Variants in NEK6 observed in about 807,000 individuals in gnomAD.
NEK6 encodes the protein NIMA related kinase 6, also known as serine/threonine-protein kinase Nek6.
A neutral mutation model predicts 43.5 loss-of-function variants in NEK6; 27 were observed. The observed-to-expected ratio is 0.62, with a 90% CI of 0.46 to 0.86. The LOEUF is 0.86. Ranked by LOEUF, NEK6 falls within the 40% of genes least tolerant of loss-of-function variation. The probability of loss-of-function intolerance (pLI) is 0.00; values close to 1 mark genes in which losing one functional copy is unlikely to be tolerated. For missense variants in NEK6, 318 were observed against 414.4 expected (o/e 0.77, Z 2.02); for synonymous variants, 167 against 164.1 (o/e 1.02, Z -0.14).
intron 9 of NEK6, among the ~76,000 whole-genome samples, chr9:124,350,314 C>T (rs1830185773): frequency 2.0e-5 from 3 of 152,038 alleles, no homozygotes; most frequent in Admixed American, 6.6e-5. Context: ...GGCGCCCCTC[C>T]CCCACCTCGG....
At chr9:124,297,608 G>A (rs929148417) in intron 1 of NEK6, among the ~76,000 whole-genome samples, 1 of 152,202 alleles carries the variant, frequency 6.6e-6, no homozygotes, top group Non-Finnish European at 1.5e-5. Flanking sequence ...CAAATGTAGG[G>A]CCCTTGCTTG....
intron 1 of NEK6, among the ~76,000 whole-genome samples, chr9:124,278,772 G>A (rs888735336): frequency 9.2e-5 from 14 of 152,178 alleles, no homozygotes; most frequent in Non-Finnish European, 1.6e-4. Context: ...GAGGCTGAGG[G>A]TCTTGGCTAA....
At chr9:124,342,028 G>A (rs748412805) in intron 8 of NEK6, among the ~76,000 whole-genome samples, 28 of 152,304 alleles carry the variant, frequency 1.8e-4, no homozygotes, top group Admixed American at 7.2e-4. Context: ...GGAGTCGTGA[G>A]TTCCAGTCTC....
rs1016714411 is a variant in NEK6, at chr9:124,331,181, G to A, written c.622+3736G>A. On this transcript the variant is annotated intron_variant, in intron 7 of 9. Transcript: ENST00000320246. ...CTTGGGAGGCTGAGGCAGGAGAATT[G>A]CTTGAACCCGGCAGGTGAAGGTTGC... Among the ~76,000 whole-genome samples, 3 of 146,992 alleles carry A rather than the reference G, an allele frequency of 2.0e-5. No individual in the cohort carries two copies. In the Admixed American group the frequency reaches 2.1e-4, roughly 10 times the overall value.
rs748613075 is a variant in NEK6, at chr9:124,339,659, G to T, written c.711G>T (p.Leu237=). ...ACATCTGGTCCCTGGGCTGTCTGCT[G>T]TACGAGGTGAGTCTCTGTCCGTGGC... ...KSDIWSLGCL[L]YEMAALQSPF... The change falls in exon 8 of 10, where the codon CTG becomes CTT. Residue 237 remains leucine, a synonymous_variant. Coordinates refer to ENST00000320246, the MANE Select transcript of NEK6 (RefSeq NM_014397.6). The T allele has an allele frequency of 6.2e-7, 1 of 1,612,072 alleles. No homozygotes were observed. Among genetic ancestry groups the T allele is most frequent in the South Asian group, 1.1e-5 (1 of 91,020 alleles).
rs190281527 is a variant in NEK6 at position 124,294,928 on chromosome 9, G to T, written c.-29-7008G>T. ...GGCCAGCACAGAGTGGAGGCCCTGG[G>T]GTGAGTGAAGACATTTGGAGGAAGA... On this transcript the variant is annotated intron_variant, in intron 1 of 9. Coordinates refer to ENST00000320246, the MANE Select transcript of NEK6 (RefSeq NM_014397.6). 2.8e-3 allele frequency among the ~76,000 whole-genome samples: 425 copies of T among 152,278 alleles called. 5 individuals are homozygous for T. Among genetic ancestry groups the T allele is most frequent in the African/African-American group, 9.8e-3 (406 of 41,560 alleles).
chr9:124,277,679 C>T (rs1255041340), intron 1 of NEK6, among the ~76,000 whole-genome samples: 2 of 152,206 alleles, frequency 1.3e-5, no homozygotes, highest in South Asian at 2.1e-4. Flanking sequence ...TCCCTAAATT[C>T]CTATTTCTGC....
chr9:124,300,442 G>A (rs1015146713), intron 1 of NEK6, among the ~76,000 whole-genome samples: 10 of 152,098 alleles, frequency 6.6e-5, no homozygotes, highest in South Asian at 4.1e-4. Flanking sequence ...CCAGCAGACC[G>A]GGGGAAGACT....
chr9:124,298,152 C>T (rs944340), intron 1 of NEK6, among the ~76,000 whole-genome samples: 59,802 of 151,974 alleles, frequency 0.39, 12,350 homozygotes, highest in East Asian at 0.64. Flanking sequence ...CCAATAGCCC[C>T]GAGGGTGAAT....
chr9:124,260,023 G>A (rs577697768), intron 1 of NEK6, among the ~76,000 whole-genome samples: 3 of 152,250 alleles, frequency 2.0e-5, no homozygotes, highest in South Asian at 4.2e-4. Context: ...GCCGTTCTAG[G>A]GGGTGTGAAT....
chr9:124,350,686 C>T lies in NEK6; in HGVS notation c.832-151C>T, dbSNP rs1830219858. On this transcript the variant is annotated intron_variant, in intron 9 of 9. Transcript: ENST00000320246. ...TGCGGCTGCGCACCCCTTACTTGCC[C>T]CAGCTAAACACCGTTCTTCAGCTCT... 3 of 682,188 alleles carry T rather than the reference C, an allele frequency of 4.4e-6. No homozygotes were observed. In the South Asian group the frequency reaches 4.5e-5, roughly 10 times the overall value. The allele number at this position is 682,188 out of a possible 1,614,324, so 42.3% of individuals were successfully genotyped here. A position where few individuals can be genotyped will look rare whatever the true frequency, so the allele number is the denominator to read the frequency against.
intron 9 of NEK6, among the ~76,000 whole-genome samples, chr9:124,349,653 A>G (rs1468038751): frequency 2.6e-5 from 4 of 152,256 alleles, no homozygotes; most frequent in Non-Finnish European, 5.9e-5. Context: ...CTTATTGACA[A>G]CTGTGCGTTT....
intron 4 of NEK6, among the ~76,000 whole-genome samples, chr9:124,320,786 G>C (rs1211368705): frequency 6.6e-6 from 1 of 152,154 alleles, no homozygotes; most frequent in Non-Finnish European, 1.5e-5. Flanking sequence ...ATGCCTCCAG[G>C]GATTTTTTTC....
At position 124,324,036 on chromosome 9, in the gene NEK6, C is replaced by T. The variant is rs1209829626; in HGVS notation, c.406-2294C>T. 2.0e-5 allele frequency among the ~76,000 whole-genome samples: 3 copies of T among 152,134 alleles called. No homozygotes were observed. The highest frequency in any genetic ancestry group is 2.9e-5 in the Non-Finnish European group (2 of 68,024). On this transcript the variant is annotated intron_variant, in intron 5 of 9. Coordinates refer to ENST00000320246, the MANE Select transcript of NEK6 (RefSeq NM_014397.6). This position sits in a 1 kb window ranked among gnomAD's most constrained non-coding sequence, Gnocchi z 5.3. ...CCCCTCCCACAGTCCCCACCTCTCT[C>T]CCCCCACTGTCCCTGCCTGCTCCCG...
chr9:124,340,451 G>A (rs1217927378), intron 8 of NEK6, among the ~76,000 whole-genome samples: 3 of 152,172 alleles, frequency 2.0e-5, no homozygotes, highest in African/African-American at 7.2e-5. Flanking sequence ...ACCACCAAAG[G>A]CTGGGTGGCT....
intron 4 of NEK6, among the ~76,000 whole-genome samples, chr9:124,316,552 G>A (rs1427487453): frequency 6.6e-6 from 1 of 152,134 alleles, no homozygotes; most frequent in African/African-American, 2.4e-5. Flanking sequence ...CCCTGTCCCT[G>A]ACCCAAGTGT....
intron 8 of NEK6, among the ~76,000 whole-genome samples, chr9:124,346,585 G>C (rs911038096): frequency 1.3e-5 from 2 of 152,164 alleles, no homozygotes; most frequent in Admixed American, 6.5e-5. Flanking sequence ...ATTGGGCCTC[G>C]GGGGGCGGTC....
chr9:124,349,071 G>A (rs568790494), intron 9 of NEK6, among the ~76,000 whole-genome samples: 2 of 152,348 alleles, frequency 1.3e-5, no homozygotes, highest in South Asian at 4.1e-4. Context: ...TGTCCAGGCC[G>A]GAGGCTCCTC....
At chr9:124,301,861 T>C (rs1832994918) in intron 1 of NEK6, 75 bp from the exon 2 acceptor site, 4 of 1,199,334 alleles carry the variant, frequency 3.3e-6, no homozygotes, top group Non-Finnish European at 4.8e-6. Context: ...ATCTGTAAAA[T>C]GGGGTGAGCG....
Sources: allele counts gnomAD v4.1 joint callset (sites outside exome capture counted in the v4.1 genomes callset), GRCh38; gene constraint gnomAD v4.1.1; non-coding constraint Gnocchi (gnomAD v3.1); transcripts MANE v1.5; gene names NCBI Gene and HGNC (gene_info 2026-07-23, HGNC 2026-07-21).